TBX15: variants seen among roughly 807,000 people sequenced by gnomAD.
The protein encoded by TBX15 is T-box transcription factor 15.
A neutral mutation model predicts 53.9 loss-of-function variants in TBX15; 18 were observed. The ratio of observed to expected loss-of-function variants is 0.33; its 90% confidence interval spans 0.23 to 0.49. TBX15 has a LOEUF of 0.49. TBX15 is among the 20% of genes least tolerant of loss of function. The pLI is 0.98. For synonymous variants in TBX15, 295 were observed against 278.0 expected, an observed-to-expected ratio of 1.06 and a Z score of -0.61; for missense variants, 692 against 749.5, an observed-to-expected ratio of 0.92 and a Z score of 0.90.
chr1:118,885,069 G>T lies in TBX15; in HGVS notation c.1472C>A (p.Ser491Ter). 1 of 1,614,200 alleles carries T rather than the reference G, an allele frequency of 6.2e-7. No individual in the cohort carries two copies. Among genetic ancestry groups the T allele is most frequent in the Non-Finnish European group, 8.5e-7 (1 of 1,180,040 alleles). ...GCTGCCCCCGAACATGTGTGGTGAT[G>T]AGGAGCTGGAGGCAGCATTGCCTGC... is the stretch of plus-strand genomic sequence containing the variant. ...MQAGNAASSS[S>*]SPHMFGGSHM... The change falls in exon 8 of 8, where the codon TCA (serine) becomes TAA (stop). Residue 491 changes from serine to a stop codon, truncating the protein, a stop_gained. Coordinates refer to ENST00000369429, the MANE Select transcript of TBX15 (RefSeq NM_001330677.2). LOFTEE classifies it high-confidence loss of function.
intron 6 of TBX15, among the ~76,000 whole-genome samples, 171 bp from the exon 7 acceptor site, chr1:118,899,296 G>T (rs972224213): frequency 1.3e-5 from 2 of 152,176 alleles, no homozygotes; most frequent in African/African-American, 4.8e-5. Context: ...ATGCTGGACT[G>T]CAGGGGGAAT....
chr1:118,936,151 C>T (rs1323602151), intron 1 of TBX15, among the ~76,000 whole-genome samples: 2 of 152,160 alleles, frequency 1.3e-5, no homozygotes, highest in African/African-American at 4.8e-5. Flanking sequence ...ACAGCACATG[C>T]ACATTTAATT....
chr1:118,884,996 G>C lies in TBX15; in HGVS notation c.1545C>G (p.Tyr515Ter). 6.2e-7 allele frequency: 1 copy of C among 1,614,138 alleles called. No individual in the cohort carries two copies. The highest frequency in any genetic ancestry group is 8.5e-7 in the Non-Finnish European group (1 of 1,180,022). Residue 515 changes from tyrosine (Y) to a stop codon, truncating the protein, a stop_gained, in exon 8 of 8, where the codon TAC (tyrosine) becomes TAG (stop). Transcript: ENST00000369429. LOFTEE classifies it high-confidence loss of function. ...TGGGGAAATTGTATCCATACAGGTT[G>C]TAAGGGTTGTGAAGGGAGAAGGCAT... Reference protein sequence around the residue: ...SYNAFSLHNPYNLYGYNFPTS... With the variant: ...SYNAFSLHNP
intron 1 of TBX15, among the ~76,000 whole-genome samples, chr1:118,981,339 C>CACACAA (rs1553228657): frequency 2.0e-5 from 3 of 149,648 alleles, no homozygotes; most frequent in African/African-American, 7.4e-5. Flanking sequence ...CACACACACA[C>CACACAA]AATGGCAGTT....
Position 118,884,820 on chromosome 1 carries a change from T to G in TBX15, c.1721A>C (p.Asn574Thr), listed in dbSNP as rs548905715. Residue 574 changes from asparagine (N) to threonine (T), a missense_variant, in exon 8 of 8, where the codon AAT becomes ACT. Transcript: ENST00000369429. ...ACAAGTGTTGGTTGCCTGTTGGTTATTGGGTGAAGGGCTAATCATGTGCAT... is the reference window on the plus strand; with the variant it reads ...ACAAGTGTTGGTTGCCTGTTGGTTAGTGGGTGAAGGGCTAATCATGTGCAT... ...HSMHMISPSP[N>T]NQQATNTCDG... The G allele has an allele frequency of 6.2e-6, 10 of 1,614,086 alleles. No individual in the cohort carries two copies. Among genetic ancestry groups the G allele is most frequent in the Non-Finnish European group, 7.6e-6 (9 of 1,180,000 alleles).
At chr1:118,891,390 T>G (rs1283725226) in intron 7 of TBX15, among the ~76,000 whole-genome samples, 1 of 152,202 alleles carries the variant, frequency 6.6e-6, no homozygotes, top group Non-Finnish European at 1.5e-5. Context: ...TTTTCTCCCC[T>G]ACTTGTTTTA....
chr1:118,885,570 C>T, intron 7 of TBX15, 54 bp from the exon 8 acceptor site: 1 of 1,545,974 alleles, frequency 6.5e-7, no homozygotes, highest in Non-Finnish European at 8.7e-7. Context: ...GATGAGTCTG[C>T]CTAAGTCACA....
intron 1 of TBX15, among the ~76,000 whole-genome samples, chr1:118,963,175 T>C (rs1656933490): frequency 6.6e-6 from 1 of 152,192 alleles, no homozygotes; most frequent in Non-Finnish European, 1.5e-5. Flanking sequence ...CTCACATCCT[T>C]AGAGCAAAAC....
At chr1:118,924,253 A>T (rs1320335546) in intron 4 of TBX15, among the ~76,000 whole-genome samples, 1 of 152,200 alleles carries the variant, frequency 6.6e-6, no homozygotes, top group Admixed American at 6.5e-5. Flanking sequence ...CCTATAAAAA[A>T]ATTCTTGACA....
intron 1 of TBX15, among the ~76,000 whole-genome samples, chr1:118,968,581 A>G (rs1424305098): frequency 3.3e-5 from 5 of 152,202 alleles, no homozygotes; most frequent in African/African-American, 1.2e-4. Flanking sequence ...ATACACACAT[A>G]CACATATATA....
At chr1:118,910,869 T>G (rs1655005662) in intron 6 of TBX15, among the ~76,000 whole-genome samples, 1 of 152,186 alleles carries the variant, frequency 6.6e-6, no homozygotes, top group Non-Finnish European at 1.5e-5. Context: ...GGAAAACACT[T>G]ACTTACATGG....
chr1:118,902,034 C>T (rs1208063606), intron 6 of TBX15, among the ~76,000 whole-genome samples: 1 of 152,024 alleles, frequency 6.6e-6, no homozygotes, highest in Non-Finnish European at 1.5e-5. Context: ...TATTAATCCA[C>T]AGTGGATCTA....
chr1:118,974,243 G>A lies in TBX15; in HGVS notation c.205+13348C>T, dbSNP rs139390878. 3.4e-3 allele frequency among the ~76,000 whole-genome samples: 516 copies of A among 152,300 alleles called. 2 individuals carry two copies. The highest frequency in any genetic ancestry group is 0.017 in the Middle Eastern group (5 of 294). On this transcript the variant is annotated intron_variant, in intron 1 of 7. Transcript: ENST00000369429. ...CATATGCTTCTATTGCTGCAAGAGC[G>A]TATCAAATCCCATCAATCAGTTGCC...
chr1:118,919,394 T>C (rs1655350341), intron 5 of TBX15, among the ~76,000 whole-genome samples: 1 of 152,160 alleles, frequency 6.6e-6, no homozygotes. Context: ...TACACCTTTC[T>C]CTCTGCCATA....
chr1:118,935,423 C>G (rs566511254), intron 1 of TBX15, among the ~76,000 whole-genome samples: 2 of 152,222 alleles, frequency 1.3e-5, no homozygotes, highest in African/African-American at 4.8e-5. Flanking sequence ...CAAAAAATAG[C>G]CATTAGGAAC....
At chr1:118,980,321 A>G (rs951554201) in intron 1 of TBX15, among the ~76,000 whole-genome samples, 1 of 152,146 alleles carries the variant, frequency 6.6e-6, no homozygotes, top group African/African-American at 2.4e-5. Context: ...CCAGTTGACA[A>G]CTAAAAGCTA....
chr1:118,975,085 A>G (rs1657379041), intron 1 of TBX15, among the ~76,000 whole-genome samples: 1 of 152,242 alleles, frequency 6.6e-6, no homozygotes, highest in Non-Finnish European at 1.5e-5. Context: ...CAGAACAGTT[A>G]AAGTTTTCCC....
intron 6 of TBX15, among the ~76,000 whole-genome samples, chr1:118,909,652 G>C (rs138297113): frequency 1.4e-4 from 21 of 152,074 alleles, no homozygotes; most frequent in Non-Finnish European, 2.2e-4. Flanking sequence ...GCATGATTTC[G>C]GCTCACTGCA....
intron 7 of TBX15, among the ~76,000 whole-genome samples, chr1:118,892,201 T>C (rs1397447399): frequency 6.6e-6 from 1 of 152,184 alleles, no homozygotes; most frequent in Non-Finnish European, 1.5e-5. Flanking sequence ...GAAAAATACA[T>C]AATCTCTTAA....
Sources: allele counts gnomAD v4.1 joint callset (sites outside exome capture counted in the v4.1 genomes callset), GRCh38; gene constraint gnomAD v4.1.1; transcripts MANE v1.5; gene names NCBI Gene and HGNC (gene_info 2026-07-23, HGNC 2026-07-21).